CDKL3: variants seen among roughly 807,000 people sequenced by gnomAD.
The protein encoded by CDKL3 is cyclin dependent kinase like 3, also known as cyclin-dependent kinase-like 3.
CDKL3 carries 65 observed loss-of-function variants against 69.3 expected under a neutral mutation model. The observed-to-expected ratio is 0.94, with a 90% CI of 0.77 to 1.15. The LOEUF is 1.15. CDKL3 is among the 50% of genes most tolerant of loss of function. The probability of loss-of-function intolerance (pLI) is 0.00; values close to 1 mark genes in which losing one functional copy is unlikely to be tolerated. For missense variants in CDKL3, 652 were observed against 689.2 expected (o/e 0.95, Z 0.61); for synonymous variants, 202 against 221.6 (o/e 0.91, Z 0.79).
intron 2 of CDKL3, 26 bp downstream of exon 2, chr5:134,366,333 A>C: frequency 6.6e-7 from 1 of 1,508,878 alleles, no homozygotes; most frequent in African/African-American, 1.4e-5. Flanking sequence ...CTTTTGACTT[A>C]GATGATTAAG....
At chr5:134,359,431 G>T (rs17167468) in intron 3 of CDKL3, among the ~76,000 whole-genome samples, 20,443 of 152,110 alleles carry the variant, frequency 0.13, 1,648 homozygotes, top group African/African-American at 0.21. Context: ...TAAATGACAA[G>T]GCCTCAAACC....
intron 2 of CDKL3, among the ~76,000 whole-genome samples, chr5:134,361,090 A>T (rs1755888797): frequency 1.3e-5 from 2 of 152,224 alleles, no homozygotes; most frequent in South Asian, 4.1e-4. Context: ...AATGTAAATG[A>T]TGCCCATGTA....
chr5:134,318,399 C>CA (rs889054411), intron 6 of CDKL3, among the ~76,000 whole-genome samples: 10 of 152,114 alleles, frequency 6.6e-5, no homozygotes, highest in African/African-American at 2.4e-4. Context: ...TATTTTAGTA[C>CA]AAAAAATAGG....
intron 3 of CDKL3, among the ~76,000 whole-genome samples, chr5:134,355,629 T>C (rs933565963): frequency 2.0e-5 from 3 of 152,230 alleles, no homozygotes; most frequent in Admixed American, 6.5e-5. Context: ...GTTTTGATAA[T>C]CTTTCTCTGT....
In CDKL3 at chr5:134,366,354, C is replaced by G. The variant is rs936476592; in HGVS notation, c.165+5G>C. On this transcript the variant is annotated splice_donor_5th_base_variant and intron_variant, in intron 2 of 12. Transcript: ENST00000265334. ...ACTTAGATGATTAAGGCAAAAGAAG[C>G]AAACCTTTAGAAACTTTATTTCTCT... The G allele has an allele frequency of 1.3e-6, 2 of 1,544,420 alleles. No homozygotes were observed. The highest frequency in any genetic ancestry group is 1.7e-6 in the Non-Finnish European group (2 of 1,151,132).
At chr5:134,369,434 G>A (rs1302391664), upstream of CDKL3, among the ~76,000 whole-genome samples, 1 of 152,162 alleles carries the variant, frequency 6.6e-6, no homozygotes, top group Non-Finnish European at 1.5e-5. Flanking sequence ...AGAGGGGGTA[G>A]GAGGAGGACC....
At chr5:134,348,743 G>C (rs1561617928) in intron 4 of CDKL3, among the ~76,000 whole-genome samples, 1 of 152,144 alleles carries the variant, frequency 6.6e-6, no homozygotes. Flanking sequence ...CTGAGACAGA[G>C]AGATCTTATG....
chr5:134,368,738 G>A (rs1347567482), upstream of CDKL3, among the ~76,000 whole-genome samples: 1 of 151,234 alleles, frequency 6.6e-6, no homozygotes, highest in Non-Finnish European at 1.5e-5. Context: ...CATATTATTT[G>A]TTGTGGGCTA....
At chr5:134,332,774 C>T (rs572412844) in intron 4 of CDKL3, among the ~76,000 whole-genome samples, 36 of 152,276 alleles carry the variant, frequency 2.4e-4, no homozygotes, top group South Asian at 1.2e-3. Flanking sequence ...CTTGGCTATG[C>T]GGGCTCTTTT....
At chr5:134,355,837 G>A (rs964820970) in intron 3 of CDKL3, among the ~76,000 whole-genome samples, 2 of 152,164 alleles carry the variant, frequency 1.3e-5, no homozygotes, top group Non-Finnish European at 2.9e-5. Context: ...GTGGAGACAT[G>A]GCATGGTAGA....
chr5:134,321,729 C>A, intron 5 of CDKL3, 62 bp downstream of exon 5: 1 of 875,324 alleles, frequency 1.1e-6, no homozygotes, highest in Non-Finnish European at 1.8e-6. Flanking sequence ...GAAAATCAAG[C>A]AGAATTGATC....
At chr5:134,371,577 C>G (rs373780934), upstream of CDKL3, 9 of 1,611,888 alleles carry the variant, frequency 5.6e-6, no homozygotes, top group African/African-American at 5.3e-5. Context: ...TCAGACTGAC[C>G]GCGGGGCAGC....
chr5:134,354,182 T>C (rs1294184605), intron 3 of CDKL3, among the ~76,000 whole-genome samples: 1 of 152,138 alleles, frequency 6.6e-6, no homozygotes, highest in Non-Finnish European at 1.5e-5. Flanking sequence ...CTGTTGTCTG[T>C]TTACTTGTCT....
intron 4 of CDKL3, among the ~76,000 whole-genome samples, chr5:134,326,685 G>C (rs1395297825): frequency 2.0e-5 from 3 of 151,274 alleles, no homozygotes; most frequent in Non-Finnish European, 4.4e-5. Flanking sequence ...TTGTTGCCCA[G>C]GCTGGAGTGC....
intron 4 of CDKL3, among the ~76,000 whole-genome samples, chr5:134,347,316 C>A (rs922350799): frequency 6.6e-6 from 1 of 151,862 alleles, no homozygotes; most frequent in African/African-American, 2.4e-5. Context: ...TAAAATGGTA[C>A]AAACACTTTG....
At chr5:134,354,274 T>C (rs891440530) in intron 3 of CDKL3, among the ~76,000 whole-genome samples, 17 of 152,344 alleles carry the variant, frequency 1.1e-4, no homozygotes, top group African/African-American at 4.1e-4. Flanking sequence ...CTCAGTATAG[T>C]GCCTAGAACA....
intron 7 of CDKL3, among the ~76,000 whole-genome samples, chr5:134,309,668 C>T: frequency 6.6e-6 from 1 of 152,090 alleles, no homozygotes; most frequent in East Asian, 1.9e-4. Flanking sequence ...AAACATCAGC[C>T]CATGAATGAA....
Position 134,366,388 on chromosome 5 carries a change from T to C in CDKL3, c.136A>G (p.Ile46Val), listed in dbSNP as rs373778256. The change falls in exon 2 of 13, where the codon ATT (isoleucine) becomes GTT (valine). Residue 46 changes from isoleucine (I) to valine (V), a missense_variant. Transcript: ENST00000265334. ...YERPEQSVNK[I>V]AMREIKFLKQ... ...AGAAACTTTATTTCTCTCATCGCAA[T>C]TTTGTTGACAGATTGTTCTGGTCTC... The C allele has an allele frequency of 1.3e-6, 2 of 1,585,592 alleles. No homozygotes were observed. Among genetic ancestry groups the C allele is most frequent in the South Asian group, 2.3e-5 (2 of 85,294 alleles).
chr5:134,337,833 G>A (rs1429933298), intron 4 of CDKL3, among the ~76,000 whole-genome samples: 1 of 152,092 alleles, frequency 6.6e-6, no homozygotes, highest in Non-Finnish European at 1.5e-5. Context: ...TGTTTTGATA[G>A]AGGCTCTTTT....
Sources: gnomAD v4.1 joint callset for allele counts (sites outside exome capture counted in the v4.1 genomes callset) on GRCh38, gnomAD v4.1.1 for gene constraint, MANE v1.5 for transcripts, NCBI Gene and HGNC (gene_info 2026-07-23, HGNC 2026-07-21) for gene names.